CSMD1: variants seen among roughly 807,000 people sequenced by gnomAD.
The protein encoded by CSMD1 is CUB and Sushi multiple domains 1.
Under a neutral mutation model 417.5 loss-of-function variants are expected in CSMD1, and 213 were observed. That is an observed-to-expected ratio of 0.51 (90% confidence interval 0.46 to 0.57). The LOEUF is 0.57. CSMD1 is among the 20% of genes least tolerant of loss of function. The pLI is 0.00. For synonymous variants in CSMD1, 2,862 were observed against 1,736.8 expected, an observed-to-expected ratio of 1.65 and a Z score of -16.11; for missense variants, 6,923 against 4,529.7, an observed-to-expected ratio of 1.53 and a Z score of -15.17.
At chr8:3,554,371 C>G (rs1041616091) in intron 10 of CSMD1, among the ~76,000 whole-genome samples, 1 of 152,140 alleles carries the variant, frequency 6.6e-6, no homozygotes, top group South Asian at 2.1e-4. Flanking sequence ...GGGCTGTGAA[C>G]CAATTTGGGA....
At chr8:4,887,981 C>T (rs1217751563) in intron 1 of CSMD1, among the ~76,000 whole-genome samples, 1 of 152,014 alleles carries the variant, frequency 6.6e-6, no homozygotes, top group Non-Finnish European at 1.5e-5. Context: ...AAAATCCAGT[C>T]TAACAATATA....
At chr8:3,584,709 C>T (rs1326637192) in intron 9 of CSMD1, among the ~76,000 whole-genome samples, 1 of 152,156 alleles carries the variant, frequency 6.6e-6, no homozygotes, top group East Asian at 1.9e-4. Flanking sequence ...AAAGAATGCA[C>T]ATTTACTATT....
intron 1 of CSMD1, among the ~76,000 whole-genome samples, chr8:4,919,305 G>C (rs563609380): frequency 6.6e-6 from 1 of 152,054 alleles, no homozygotes; most frequent in Non-Finnish European, 1.5e-5. Context: ...TAGAACCACG[G>C]GTTAGATGTA....
At chr8:4,258,185 T>C (rs1477861194) in intron 3 of CSMD1, among the ~76,000 whole-genome samples, 2 of 150,190 alleles carry the variant, frequency 1.3e-5, no homozygotes, top group Non-Finnish European at 3.0e-5. Flanking sequence ...CCTCAAGCAA[T>C]CTTCCTGGCT....
At chr8:3,541,114 G>A (rs111781507) in intron 10 of CSMD1, among the ~76,000 whole-genome samples, 5,999 of 152,226 alleles carry the variant, frequency 0.039, 345 homozygotes, top group African/African-American at 0.12. Flanking sequence ...CAACAGCAAA[G>A]ACATGGAATC....
Position 4,461,094 on chromosome 8 carries a change from G to C in CSMD1, c.303-41029C>G, listed in dbSNP as rs541379218. On this transcript the variant is annotated intron_variant, in intron 2 of 69. Transcript: ENST00000635120. ...AGTGCTATTTATCTCAGGAATGCAA[G>C]ATAGGCTTAGCATCTGAAAATCTAA... Among the ~76,000 whole-genome samples, 145 of 150,718 alleles carry C rather than the reference G, an allele frequency of 9.6e-4. 3 individuals carry two copies. The highest frequency in any genetic ancestry group is 3.3e-3 in the African/African-American group (131 of 40,102).
At chr8:4,751,683 G>A (rs1289506439) in intron 1 of CSMD1, among the ~76,000 whole-genome samples, 1 of 152,088 alleles carries the variant, frequency 6.6e-6, no homozygotes. Flanking sequence ...TTAATGGTCA[G>A]CTACCCTTTC....
chr8:4,693,174 G>C (rs1228713479), intron 1 of CSMD1, among the ~76,000 whole-genome samples: 1 of 152,138 alleles, frequency 6.6e-6, no homozygotes, highest in Non-Finnish European at 1.5e-5. Context: ...CCTTAATTTG[G>C]CCAGTGTTTC....
At chr8:3,575,842 G>C (rs1005711056) in intron 9 of CSMD1, among the ~76,000 whole-genome samples, 1 of 54,460 alleles carries the variant, frequency 1.8e-5, no homozygotes, top group African/African-American at 4.7e-5. Context: ...TTTATGAAAG[G>C]AGTTTTTTTT....
intron 1 of CSMD1, among the ~76,000 whole-genome samples, chr8:4,922,440 G>T (rs539038323): frequency 6.6e-6 from 1 of 152,100 alleles, no homozygotes; most frequent in Non-Finnish European, 1.5e-5. Context: ...ATGATATTTA[G>T]CAATAAGAAC....
intron 2 of CSMD1, among the ~76,000 whole-genome samples, chr8:4,555,085 T>C (rs139839755): frequency 1.2e-3 from 185 of 152,346 alleles, no homozygotes; most frequent in Admixed American, 4.0e-3. Context: ...GGAATTTAGC[T>C]ATTTATTTTT....
intron 2 of CSMD1, among the ~76,000 whole-genome samples, chr8:4,451,230 C>G (rs982177547): frequency 2.0e-5 from 3 of 152,068 alleles, no homozygotes; most frequent in African/African-American, 7.2e-5. Context: ...ACTTGGGAGG[C>G]TAAGGAGGGA....
At chr8:3,898,612 A>G (rs1234824054) in intron 5 of CSMD1, among the ~76,000 whole-genome samples, 1 of 152,216 alleles carries the variant, frequency 6.6e-6, no homozygotes. Flanking sequence ...CTGAATGTTT[A>G]CTAAATCAAA....
At chr8:3,848,073 C>G (rs911442069) in intron 5 of CSMD1, among the ~76,000 whole-genome samples, 1 of 137,850 alleles carries the variant, frequency 7.3e-6, no homozygotes, top group Non-Finnish European at 1.6e-5. Flanking sequence ...TGATATTTCT[C>G]TCTCTCTCTC....
intron 23 of CSMD1, among the ~76,000 whole-genome samples, chr8:3,338,462 G>T (rs1034472477): frequency 6.6e-6 from 1 of 152,224 alleles, no homozygotes; most frequent in African/African-American, 2.4e-5. Context: ...GTGATGAGGG[G>T]ACCAATTCAG....
chr8:4,695,432 G>C (rs796316819), intron 1 of CSMD1, among the ~76,000 whole-genome samples: 8 of 152,330 alleles, frequency 5.3e-5, no homozygotes, highest in African/African-American at 1.7e-4. Flanking sequence ...CGGATGACCA[G>C]TGACATTTGT....
intron 6 of CSMD1, among the ~76,000 whole-genome samples, chr8:3,748,760 A>G (rs924403733): frequency 9.2e-5 from 14 of 152,328 alleles, no homozygotes; most frequent in African/African-American, 3.1e-4. Context: ...TAATAACATG[A>G]AAGTCTTCAT....
At chr8:3,366,258 T>A (rs1233416651) in intron 20 of CSMD1, among the ~76,000 whole-genome samples, 1 of 152,116 alleles carries the variant, frequency 6.6e-6, no homozygotes, top group Non-Finnish European at 1.5e-5. Context: ...GGGGGCATGC[T>A]GGAAATGAAG....
chr8:3,691,784 C>G (rs1800258298), intron 7 of CSMD1, among the ~76,000 whole-genome samples: 1 of 151,842 alleles, frequency 6.6e-6, no homozygotes, highest in Non-Finnish European at 1.5e-5. Flanking sequence ...ATTTATTTCT[C>G]TTTGGTTTAA....
Sources: gnomAD v4.1 joint callset for allele counts (sites outside exome capture counted in the v4.1 genomes callset) on GRCh38, gnomAD v4.1.1 for gene constraint, MANE v1.5 for transcripts, NCBI Gene and HGNC (gene_info 2026-07-23, HGNC 2026-07-21) for gene names.